GDF1: variants seen among roughly 807,000 people sequenced by gnomAD.
GDF1 encodes the protein growth differentiation factor 1.
In GDF1, 8 loss-of-function variants were observed where a neutral mutation model predicts 7.4. The observed-to-expected ratio is 1.09, with a 90% CI of 0.64 to 1.96. The LOEUF is 1.96. GDF1 is among the 30% of genes most tolerant of loss of function. The pLI, the probability that GDF1 is intolerant of heterozygous loss-of-function variation, is 0.00. For synonymous variants in GDF1, 311 were observed against 276.7 expected, an observed-to-expected ratio of 1.12 and a Z score of -1.23; for missense variants, 574 against 551.5, an observed-to-expected ratio of 1.04 and a Z score of -0.41.
chr19:18,874,416 G>T (rs1358695211), intron 6 of GDF1, among the ~76,000 whole-genome samples: 2 of 152,200 alleles, frequency 1.3e-5, no homozygotes, highest in Non-Finnish European at 2.9e-5. Flanking sequence ...CCATCCTCCA[G>T]CCTCGGCCTC....
chr19:18,870,172 G>A lies in GDF1; in HGVS notation c.136C>T (p.Arg46Cys), dbSNP rs1351573913. ...CTGGGGGCACCCTGGGGCTCATCGC[G>A]CAGTCCTAGAGCCTGGAGCAGGGCG... ...AAALLQALGL[R>C]DEPQGAPRLR... Residue 46 changes from arginine to cysteine, a missense_variant, in exon 7 of 8, where the codon CGC becomes TGC. Transcript: ENST00000247005. The surrounding 1 kb of genome is among the most constrained non-coding windows in gnomAD (Gnocchi z 5.1). The A allele has an allele frequency of 5.8e-6, 9 of 1,561,182 alleles. No homozygotes were observed. The highest frequency in any genetic ancestry group is 7.8e-6 in the Non-Finnish European group (9 of 1,159,226).
At chr19:18,880,196 T>G in intron 4 of GDF1, 78 bp downstream of exon 4, 1 of 1,332,172 alleles carries the variant, frequency 7.5e-7, no homozygotes, top group Non-Finnish European at 9.9e-7. Context: ...CTTCCCTGCC[T>G]GGTCCCGCCC....
chr19:18,871,084 T>TTTTA (rs1198674017), intron 6 of GDF1, among the ~76,000 whole-genome samples: 5 of 151,538 alleles, frequency 3.3e-5, no homozygotes, highest in Non-Finnish European at 7.4e-5. Flanking sequence ...TTCCATGTTC[T>TTTTA]TTTATTTTCC....
chr19:18,893,579 T>C lies in GDF1; in HGVS notation c.-1073-4A>G, dbSNP rs765908997. On this transcript the variant is annotated splice_polypyrimidine_tract_variant and splice_region_variant and intron_variant, in intron 1 of 7. Coordinates refer to ENST00000247005, the MANE Select transcript of GDF1 (RefSeq NM_001492.6). ...GGCAGCACCGCTTCGCCAGGGGCTA[T>C]GGGGGAGAAGACAGGCGGGCAGCCA... 1.0e-5 allele frequency: 16 copies of C among 1,605,686 alleles called. No individual in the cohort carries two copies. The highest frequency in any genetic ancestry group is 2.2e-5 in the South Asian group (2 of 89,638).
intron 2 of GDF1, among the ~76,000 whole-genome samples, chr19:18,884,707 G>GTTT (rs1292525782): frequency 3.2e-5 from 2 of 61,772 alleles, no homozygotes; most frequent in Non-Finnish European, 6.1e-5. Context: ...CCGCCCAGCC[G>GTTT]TCTTTTTTTT....
Position 18,884,707 on chromosome 19 carries a change from G to A in GDF1, c.-913-440C>T, listed in dbSNP as rs1194205838. Among the ~76,000 whole-genome samples, 11 of 61,770 alleles carry A rather than the reference G, an allele frequency of 1.8e-4. No homozygotes were observed. In the Admixed American group the frequency reaches 2.2e-3, roughly 12 times the overall value. 40.5% of individuals were successfully genotyped at this position (61,770 alleles called of 152,430 possible). ...CAGGCGTGAGCCACCCCGCCCAGCCGTCTTTTTTTTTTTTTTTTTTTTTTT... is the reference window on the plus strand; with the variant it reads ...CAGGCGTGAGCCACCCCGCCCAGCCATCTTTTTTTTTTTTTTTTTTTTTTT... On this transcript the variant is annotated intron_variant, in intron 2 of 7. Transcript: ENST00000247005.
intron 2 of GDF1, 34 bp downstream of exon 2, chr19:18,893,382 A>G: frequency 1.3e-6 from 2 of 1,574,634 alleles, no homozygotes; most frequent in East Asian, 4.7e-5. Flanking sequence ...TGTTTTAAGC[A>G]GAGCCCTCCC....
chr19:18,868,862 A>G lies in GDF1; in HGVS notation c.854T>C (p.Val285Ala). ...SFREVGWHRW[V>A]IAPRGFLANY... The stretch of plus-strand genomic sequence containing the variant: ...GGCCAGGAAGCCGCGCGGCGCGATG[A>G]CCCAGCGGTGCCAGCCCACCTCGCG... Residue 285 changes from valine to alanine, a missense_variant, in exon 8 of 8, where the codon GTC (valine) becomes GCC (alanine). By Grantham distance (64) the Val-to-Ala change is moderately conservative (BLOSUM62 0). Transcript: ENST00000247005. 1 of 1,442,476 alleles carries G rather than the reference A, an allele frequency of 6.9e-7. No individual in the cohort carries two copies. Among genetic ancestry groups the G allele is most frequent in the South Asian group, 1.2e-5 (1 of 80,974 alleles). The allele number at this position is 1,442,476 out of a possible 1,614,324, so 89.4% of individuals were successfully genotyped here.
intron 2 of GDF1, among the ~76,000 whole-genome samples, chr19:18,892,738 C>T (rs532941699): frequency 8.5e-5 from 13 of 152,252 alleles, no homozygotes; most frequent in African/African-American, 2.9e-4. Context: ...CTGTTACCGA[C>T]ACCTGGAATG....
rs2056289896 is a variant in GDF1, at chr19:18,884,181, T to A, written c.-827A>T. 2 of 1,613,224 alleles carry A rather than the reference T, an allele frequency of 1.2e-6. No individual in the cohort carries two copies. Reference sequence around the variant, plus strand: ...TTGCGCCAGGTGTCCATGTATAGCGTAGCGTAGATGGAGTGGCCATAGAAG... The same window carrying A: ...TTGCGCCAGGTGTCCATGTATAGCGAAGCGTAGATGGAGTGGCCATAGAAG... On this transcript the variant is annotated 5_prime_UTR_variant, in exon 3 of 8. Transcript: ENST00000247005.
chr19:18,877,688 GC>G (rs959639124), intron 6 of GDF1, among the ~76,000 whole-genome samples: 1 of 150,922 alleles, frequency 6.6e-6, no homozygotes, highest in Non-Finnish European at 1.5e-5. Context: ...CTGGGAGGCG[GC>G]GGTTGCAGCG....
chr19:18,880,137 A>G, intron 4 of GDF1, 137 bp downstream of exon 4: 1 of 754,820 alleles, frequency 1.3e-6, no homozygotes, highest in Non-Finnish European at 2.0e-6. Flanking sequence ...CCAAATCATG[A>G]GGCCCCTCCC....
Position 18,878,646 on chromosome 19 carries a change from A to G in GDF1, c.-313+284T>C, listed in dbSNP as rs4808164. On this transcript the variant is annotated intron_variant, in intron 6 of 7. Coordinates refer to ENST00000247005, the MANE Select transcript of GDF1 (RefSeq NM_001492.6). This position sits in a 1 kb window ranked among gnomAD's most constrained non-coding sequence, Gnocchi z 4.6. Reference sequence around the variant, plus strand: ...GGCCCTGGCTCGCCACTCCCGCCACACCAGCCACTAGGCCTGGCCCTCAGT... The same window carrying G: ...GGCCCTGGCTCGCCACTCCCGCCACGCCAGCCACTAGGCCTGGCCCTCAGT... 1,083,212 of 1,226,142 alleles carry G rather than the reference A, an allele frequency of 0.88. 479,112 individuals carry two copies. The highest frequency in any genetic ancestry group is 0.91 in the Admixed American group (23,877 of 26,348). 76.0% of individuals were successfully genotyped at this position (1,226,142 alleles called of 1,614,324 possible). A position where few individuals can be genotyped will look rare whatever the true frequency, so the allele number is the denominator to read the frequency against.
At chr19:18,877,894 A>C in intron 6 of GDF1, 4 of 885,782 alleles carry the variant, frequency 4.5e-6, no homozygotes, top group South Asian at 5.2e-5. Flanking sequence ...AGTCAATACC[A>C]GCTCGAGCCA....
At position 18,895,416 on chromosome 19, in the gene GDF1, C is replaced by T. The variant is rs1271566707; in HGVS notation, c.-1074+408G>A. On this transcript the variant is annotated intron_variant, in intron 1 of 7. Coordinates refer to ENST00000247005, the MANE Select transcript of GDF1 (RefSeq NM_001492.6). This position sits in a 1 kb window ranked among gnomAD's most constrained non-coding sequence, Gnocchi z 6.4. ...GTCCTGGGCTTCTCAGTGTCTGGCTCGGCCCTGCCGGAAAGAGCGCGCGGT... is the reference window on the plus strand; with the variant it reads ...GTCCTGGGCTTCTCAGTGTCTGGCTTGGCCCTGCCGGAAAGAGCGCGCGGT... 6.6e-6 allele frequency among the ~76,000 whole-genome samples: 1 copy of T among 152,148 alleles called. No homozygotes were observed. Among genetic ancestry groups the T allele is most frequent in the South Asian group, 2.1e-4 (1 of 4,834 alleles).
At chr19:18,888,558 C>T (rs150821698) in intron 2 of GDF1, among the ~76,000 whole-genome samples, 7,740 of 133,054 alleles carry the variant, frequency 0.058, 272 homozygotes, top group Middle Eastern at 0.18. Context: ...AGGCTAGGTG[C>T]GGTGGCTCAT....
chr19:18,890,372 G>A (rs1259779551), intron 2 of GDF1, among the ~76,000 whole-genome samples: 1 of 152,254 alleles, frequency 6.6e-6, no homozygotes, highest in East Asian at 1.9e-4. Context: ...AGCTTCATGA[G>A]GGCACAGGGC....
chr19:18,893,062 G>A (rs1357175407), intron 2 of GDF1, among the ~76,000 whole-genome samples: 3 of 150,902 alleles, frequency 2.0e-5, no homozygotes, highest in South Asian at 2.1e-4. Context: ...GATTACAGGC[G>A]CCCACCACAC....
Position 18,878,817 on chromosome 19 carries a change from C to T in GDF1, c.-313+113G>A. On this transcript the variant is annotated intron_variant, in intron 6 of 7. Transcript: ENST00000247005. This position sits in a 1 kb window ranked among gnomAD's most constrained non-coding sequence, Gnocchi z 4.6. ...TCTGTTTTGGAGTAGGCTTGGGGGG[C>T]AGCATCCGCGTCGGCCTCATCTGCT... 4.0e-6 allele frequency: 6 copies of T among 1,495,206 alleles called. No homozygotes were observed. The highest frequency in any genetic ancestry group is 5.3e-6 in the Non-Finnish European group (6 of 1,122,934). 92.6% of individuals were successfully genotyped at this position (1,495,206 alleles called of 1,614,324 possible).
Sources: allele counts gnomAD v4.1 joint callset (sites outside exome capture counted in the v4.1 genomes callset), GRCh38; gene constraint gnomAD v4.1.1; non-coding constraint Gnocchi (gnomAD v3.1); transcripts MANE v1.5; gene names NCBI Gene and HGNC (gene_info 2026-07-23, HGNC 2026-07-21).